The following TFAP2E variants were observed in gnomAD, a reference collection of about 807,000 sequenced individuals.
TFAP2E encodes transcription factor AP-2 epsilon, also known as transcription factor AP-2-epsilon.
TFAP2E carries 30 observed loss-of-function variants against 37.9 expected under a neutral mutation model. The observed-to-expected ratio is 0.79, with a 90% CI of 0.59 to 1.07. The LOEUF (loss-of-function observed/expected upper bound fraction) is 1.07, where lower values mean the gene tolerates loss of function less well. Among genes scored for constraint, TFAP2E ranks in the 50% least tolerant of loss-of-function variants. TFAP2E has a pLI of 0.00. For missense variants in TFAP2E, 567 were observed against 637.9 expected (o/e 0.89, Z 1.20); for synonymous variants, 318 against 295.8 (o/e 1.08, Z -0.77).
rs116009604 is a variant in TFAP2E, at chr1:35,588,292, C to T, written c.563-38C>T. Reference sequence around the variant, plus strand: ...ACCCTCCCTTGAGTGGGGCTGTGTGCGGCAGCCACTGGCTCAGCGTTTCCC... The same window carrying T: ...ACCCTCCCTTGAGTGGGGCTGTGTGTGGCAGCCACTGGCTCAGCGTTTCCC... On this transcript the variant is annotated intron_variant, in intron 3 of 6. Coordinates refer to ENST00000373235, the MANE Select transcript of TFAP2E (RefSeq NM_178548.4). The surrounding 1 kb of genome is among the most constrained non-coding windows in gnomAD (Gnocchi z 5.1). 2 of 1,565,916 alleles carry T rather than the reference C, an allele frequency of 1.3e-6. No homozygotes were observed. Among genetic ancestry groups the T allele is most frequent in the African/African-American group, 1.3e-5 (1 of 74,218 alleles).
rs564914229 is a variant in TFAP2E at position 35,574,356 on chromosome 1, G to T, written c.457G>T (p.Ala153Ser). 6.9e-7 allele frequency: 1 copy of T among 1,442,542 alleles called. No homozygotes were observed. 89.4% of individuals were successfully genotyped at this position (1,442,542 alleles called of 1,614,324 possible). A position where few individuals can be genotyped will look rare whatever the true frequency, so the allele number is the denominator to read the frequency against. ...LADGAHGLAD[A>S]PLGLPGLAAA... Reference sequence around the variant, plus strand: ...CGACGGCGCGCACGGCCTGGCAGACGCACCTCTCGGCCTTCCGGGGCTGGC... The same window carrying T: ...CGACGGCGCGCACGGCCTGGCAGACTCACCTCTCGGCCTTCCGGGGCTGGC... Residue 153 changes from alanine (A) to serine (S), a missense_variant, in exon 2 of 7, where the codon GCA (alanine) becomes TCA (serine). Physicochemically the swap from Ala to Ser is moderately conservative, Grantham distance 99. This residue lies in a region of TFAP2E where 312 missense variants were observed against 317.4 expected (regional missense o/e 0.98). Transcript: ENST00000373235.
rs1003319079 is a variant in TFAP2E at position 35,590,541 on chromosome 1, G to A, written c.905-93G>A. ...GGGGCATCTACACAGGCAGGATGGGGCAGGATACCCCTGACCAGGGGGTCA... is the reference window on the plus strand; with the variant it reads ...GGGGCATCTACACAGGCAGGATGGGACAGGATACCCCTGACCAGGGGGTCA... On this transcript the variant is annotated intron_variant, in intron 5 of 6. Transcript: ENST00000373235. The surrounding 1 kb of genome is among the most constrained non-coding windows in gnomAD (Gnocchi z 6.2). The A allele has an allele frequency of 8.1e-5, 111 of 1,372,520 alleles. No individual in the cohort carries two copies. Among genetic ancestry groups the A allele is most frequent in the Non-Finnish European group, 1.1e-4 (110 of 1,046,304 alleles). 85.0% of individuals were successfully genotyped at this position (1,372,520 alleles called of 1,614,324 possible).
chr1:35,589,726 T>C (rs567827669), intron 4 of TFAP2E, among the ~76,000 whole-genome samples: 1 of 152,250 alleles, frequency 6.6e-6, no homozygotes, highest in East Asian at 1.9e-4. Flanking sequence ...AGCTGGGTGC[T>C]GGCCCCCCTG....
At chr1:35,581,271 G>A (rs759119724) in intron 3 of TFAP2E, among the ~76,000 whole-genome samples, 4 of 152,146 alleles carry the variant, frequency 2.6e-5, no homozygotes, top group Admixed American at 6.5e-5. Context: ...GCCATTGTAC[G>A]GGTGTAACAT....
In TFAP2E at chr1:35,586,970, G is replaced by T. The variant is rs185080233; in HGVS notation, c.563-1360G>T. Among the ~76,000 whole-genome samples, 23 of 152,360 alleles carry T rather than the reference G, an allele frequency of 1.5e-4. No homozygotes were observed. In the East Asian group the frequency reaches 4.1e-3, roughly 27 times the overall value. On this transcript the variant is annotated intron_variant, in intron 3 of 6. Coordinates refer to ENST00000373235, the MANE Select transcript of TFAP2E (RefSeq NM_178548.4). ...GCTACCGGTTCTCCGTCTACCAGCT[G>T]TGTGATCTCAGGCATATTACTTCAC...
chr1:35,576,235 T>C (rs921437093), intron 3 of TFAP2E, among the ~76,000 whole-genome samples: 1 of 151,510 alleles, frequency 6.6e-6, no homozygotes, highest in African/African-American at 2.4e-5. Context: ...TACCAGGAGC[T>C]GGGGGTTGGG....
intron 4 of TFAP2E, among the ~76,000 whole-genome samples, chr1:35,589,275 C>T (rs1385082896): frequency 8.1e-6 from 1 of 124,198 alleles, no homozygotes; most frequent in Non-Finnish European, 1.7e-5. Flanking sequence ...TGGATGTTTA[C>T]ATATCTGTGC....
intron 3 of TFAP2E, among the ~76,000 whole-genome samples, chr1:35,586,443 T>C (rs975067910): frequency 3.5e-4 from 53 of 152,046 alleles, no homozygotes; most frequent in Non-Finnish European, 5.3e-4. Context: ...TAGGCTGAGT[T>C]TTTGGCTGCA....
rs762860212 is a variant in TFAP2E at position 35,594,387 on chromosome 1, G to A, written c.1047-7G>A. 31 of 1,610,160 alleles carry A rather than the reference G, an allele frequency of 1.9e-5. No homozygotes were observed. Among genetic ancestry groups the A allele is most frequent in the South Asian group, 7.7e-5 (7 of 90,800 alleles). On this transcript the variant is annotated splice_region_variant and splice_polypyrimidine_tract_variant and intron_variant, in intron 6 of 6. Coordinates refer to ENST00000373235, the MANE Select transcript of TFAP2E (RefSeq NM_178548.4). ...CCTCCAACCTCTGACCCTCCTTCTC[G>A]CACCAGGCAGATCTGCAAGGAGTTT...
chr1:35,585,471 C>G (rs1649458390), intron 3 of TFAP2E, among the ~76,000 whole-genome samples: 1 of 152,176 alleles, frequency 6.6e-6, no homozygotes, highest in Non-Finnish European at 1.5e-5. Context: ...AAGCCTGGAG[C>G]TTTGCTGTCC....
At position 35,574,970 on chromosome 1, in the gene TFAP2E, A is replaced by C. The variant is rs1411770592; in HGVS notation, c.532A>C (p.Ser178Arg). Reference sequence around the variant, plus strand: ...GCAGGCAATGGACGAGCCGGGAATGAGCCTCCTAGACCAGTCCGTGATCAA... The same window carrying C: ...GCAGGCAATGGACGAGCCGGGAATGCGCCTCCTAGACCAGTCCGTGATCAA... ...DLQAMDEPGM[S>R]LLDQSVIKKV... Residue 178 changes from serine to arginine, a missense_variant, in exon 3 of 7, where the codon AGC (serine) becomes CGC (arginine). Physicochemically the swap from Ser to Arg is moderately radical, Grantham distance 110 (BLOSUM62 -1). Transcript: ENST00000373235. 3 of 1,613,870 alleles carry C rather than the reference A, an allele frequency of 1.9e-6. No homozygotes were observed. The African/African-American group carries it at 4.0e-5, about 22-fold the overall frequency.
chr1:35,584,811 G>A (rs1649440702), intron 3 of TFAP2E, among the ~76,000 whole-genome samples: 1 of 152,144 alleles, frequency 6.6e-6, no homozygotes, highest in Non-Finnish European at 1.5e-5. Flanking sequence ...TGGGATTACA[G>A]GTGTGAGCCA....
chr1:35,590,684 T>C lies in TFAP2E; in HGVS notation c.955T>C (p.Phe319Leu). 6.4e-7 allele frequency: 1 copy of C among 1,555,334 alleles called. No homozygotes were observed. The highest frequency in any genetic ancestry group is 8.8e-7 in the Non-Finnish European group (1 of 1,141,404). The change falls in exon 6 of 7, where the codon TTC becomes CTC. Residue 319 changes from phenylalanine (F) to leucine (L), a missense_variant. By Grantham distance (22) the Phe-to-Leu change is conservative (BLOSUM62 0). Transcript: ENST00000373235. The surrounding 1 kb of genome is among the most constrained non-coding windows in gnomAD (Gnocchi z 6.2). ...RDFGYVCETE[F>L]PAKAAAEYLC... ...CTTCGGTTACGTCTGTGAGACGGAG[T>C]TCCCAGCCAAGGCAGCTGCCGAGTA...
In TFAP2E at chr1:35,577,169, A is replaced by G. The variant is rs1473868067; in HGVS notation, c.562+2169A>G. On this transcript the variant is annotated intron_variant, in intron 3 of 6. Transcript: ENST00000373235. This position sits in a 1 kb window ranked among gnomAD's most constrained non-coding sequence, Gnocchi z 6.3. ...GCAGCAGCAGCAAAGGGGAAGGGGC[A>G]GGAGCCGGGCACAGTTGGATCCGGA... Among the ~76,000 whole-genome samples, 2 of 152,236 alleles carry G rather than the reference A, an allele frequency of 1.3e-5. No individual in the cohort carries two copies. Among genetic ancestry groups the G allele is most frequent in the African/African-American group, 4.8e-5 (2 of 41,464 alleles).
chr1:35,577,541 T>C lies in TFAP2E; in HGVS notation c.562+2541T>C. 2.3e-6 allele frequency: 1 copy of C among 434,608 alleles called. No homozygotes were observed. The highest frequency in any genetic ancestry group is 4.7e-6 in the Non-Finnish European group (1 of 212,092). The allele number at this position is 434,608 out of a possible 1,614,324, so 26.9% of individuals were successfully genotyped here. On this transcript the variant is annotated intron_variant, in intron 3 of 6. Coordinates refer to ENST00000373235, the MANE Select transcript of TFAP2E (RefSeq NM_178548.4). The surrounding 1 kb of genome is among the most constrained non-coding windows in gnomAD (Gnocchi z 6.3). ...TTGGCCACCTGAAGCGTCGGATCCC[T>C]ACAGTGCCTCCCAGCCTGGGCGGGA...
rs965266389 is a variant in TFAP2E, at chr1:35,574,004, G to A, written c.105G>A (p.Ala35=). ...TGCCCCAGGCGGCCTACGGGCCGGC[G>A]CCCCCGCTCTGCCACACGCCGGCCG... is the stretch of plus-strand genomic sequence containing the variant. ...SSLPQAAYGP[A]PPLCHTPAAT... The change falls in exon 2 of 7, where the codon GCG becomes GCA. Residue 35 remains alanine (A), a synonymous_variant. Coordinates refer to ENST00000373235, the MANE Select transcript of TFAP2E (RefSeq NM_178548.4). 6.7e-6 allele frequency: 10 copies of A among 1,484,410 alleles called. No homozygotes were observed. The highest frequency in any genetic ancestry group is 8.9e-6 in the Non-Finnish European group (10 of 1,125,490). The allele number at this position is 1,484,410 out of a possible 1,614,324, so 92.0% of individuals were successfully genotyped here.
rs1649096457 is a variant in TFAP2E at position 35,574,171 on chromosome 1, C to A, written c.272C>A (p.Ala91Glu). Residue 91 changes from alanine to glutamate, a missense_variant, in exon 2 of 7, where the codon GCG (alanine) becomes GAG (glutamate). Around this residue, in one of 3 missense-constraint regions of TFAP2E, gnomAD observed 312 missense variants for 317.4 expected, o/e 0.98. Coordinates refer to ENST00000373235, the MANE Select transcript of TFAP2E (RefSeq NM_178548.4). ...GDPYGGLAPL[A>E]QPQPPQAAWA... ...CCATATGGCGGCCTGGCGCCCCTGG[C>A]GCAGCCGCAGCCTCCTCAGGCCGCC... The A allele has an allele frequency of 3.6e-6, 5 of 1,405,798 alleles. No homozygotes were observed. Among genetic ancestry groups the A allele is most frequent in the Non-Finnish European group, 4.6e-6 (5 of 1,079,784 alleles). The allele number at this position is 1,405,798 out of a possible 1,614,324, so 87.1% of individuals were successfully genotyped here.
At chr1:35,580,129 G>T (rs959342194) in intron 3 of TFAP2E, among the ~76,000 whole-genome samples, 2 of 152,128 alleles carry the variant, frequency 1.3e-5, no homozygotes, top group African/African-American at 4.8e-5. Flanking sequence ...AAAATCGCTT[G>T]AACCCGGGAG....
Position 35,595,012 on chromosome 1 carries a change from T to A in TFAP2E, c.*336T>A. The A allele has an allele frequency of 3.0e-6, 1 of 337,422 alleles. No individual in the cohort carries two copies. Among genetic ancestry groups the A allele is most frequent in the Non-Finnish European group, 5.5e-6 (1 of 182,940 alleles). The allele number at this position is 337,422 out of a possible 1,614,324, so 20.9% of individuals were successfully genotyped here. On this transcript the variant is annotated 3_prime_UTR_variant, in exon 7 of 7. Transcript: ENST00000373235. ...ATTAGCGTGGCTGGGTGGCCGTGGG[T>A]GCTTCTAGAGGCCAAAGCCTTTGTG...
Sources: gnomAD v4.1 joint callset for allele counts (sites outside exome capture counted in the v4.1 genomes callset) on GRCh38, gnomAD v4.1.1 for gene constraint, gnomAD v4.1.1 regional missense constraint, Gnocchi (gnomAD v3.1) non-coding constraint, MANE v1.5 for transcripts, NCBI Gene and HGNC (gene_info 2026-07-23, HGNC 2026-07-21) for gene names.